The following SLC24A2 variants were observed in gnomAD, a reference collection of about 807,000 sequenced individuals.
SLC24A2 encodes sodium/potassium/calcium exchanger 2.
A neutral mutation model predicts 62.0 loss-of-function variants in SLC24A2; 36 were observed. The ratio of observed to expected loss-of-function variants is 0.58; its 90% CI spans 0.44 to 0.77. The LOEUF (loss-of-function observed/expected upper bound fraction) is 0.77. Among genes scored for constraint, SLC24A2 ranks in the 30% least tolerant of loss-of-function variants. The pLI is 0.00. For synonymous variants in SLC24A2, 358 were observed against 294.0 expected (o/e 1.22, Z -2.23); for missense variants, 846 against 817.9 (o/e 1.03, Z -0.42).
chr9:19,701,637 A>C (rs777589265), intron 2 of SLC24A2, among the ~76,000 whole-genome samples: 1 of 152,208 alleles, frequency 6.6e-6, no homozygotes, highest in Non-Finnish European at 1.5e-5. Context: ...ACAGTACACT[A>C]TTGCTTTGCA....
the SLC24A2 span, among the ~76,000 whole-genome samples, chr9:19,936,986 C>T: frequency 6.6e-6 from 1 of 152,110 alleles, no homozygotes; most frequent in African/African-American, 2.4e-5. Flanking sequence ...TATGTTCCCA[C>T]ACATATGTAT....
chr9:19,592,518 C>G (rs1007410901), intron 5 of SLC24A2, among the ~76,000 whole-genome samples: 2 of 151,988 alleles, frequency 1.3e-5, no homozygotes, highest in East Asian at 3.9e-4. Flanking sequence ...ACCTACCTAC[C>G]TACCTACCTA....
chr9:20,269,670 C>T, the SLC24A2 span, among the ~76,000 whole-genome samples: 1 of 152,196 alleles, frequency 6.6e-6, no homozygotes, highest in Admixed American at 6.5e-5. Flanking sequence ...GCTCCCCCGA[C>T]CCTCACCAAG....
At chr9:20,169,107 C>T in the SLC24A2 span, among the ~76,000 whole-genome samples, 2 of 151,852 alleles carry the variant, frequency 1.3e-5, no homozygotes, top group African/African-American at 2.4e-5. Context: ...CACAGAAGGA[C>T]CCACTGTAAG....
chr9:20,267,359 G>T, the SLC24A2 span, among the ~76,000 whole-genome samples: 3 of 152,222 alleles, frequency 2.0e-5, no homozygotes, highest in African/African-American at 7.2e-5. Flanking sequence ...TATGGCAATT[G>T]CTTACCCGGA....
At chr9:19,934,901 G>A in the SLC24A2 span, among the ~76,000 whole-genome samples, 1 of 152,022 alleles carries the variant, frequency 6.6e-6, no homozygotes, top group African/African-American at 2.4e-5. The surrounding 1 kb of genome is among the most constrained non-coding windows in gnomAD (Gnocchi z 4.1). Flanking sequence ...TTGGAGTTTT[G>A]GAGGCGGGAG....
At chr9:19,650,698 C>A (rs1021526247) in intron 2 of SLC24A2, among the ~76,000 whole-genome samples, 1 of 148,334 alleles carries the variant, frequency 6.7e-6, no homozygotes, top group Non-Finnish European at 1.5e-5. Flanking sequence ...AGGCCATCTG[C>A]AGAGAAAACA....
At chr9:19,727,420 T>C (rs1362773864) in intron 2 of SLC24A2, among the ~76,000 whole-genome samples, 3 of 152,160 alleles carry the variant, frequency 2.0e-5, no homozygotes, top group Non-Finnish European at 2.9e-5. Context: ...CCTAACTCAT[T>C]TTTCCCCATA....
the SLC24A2 span, among the ~76,000 whole-genome samples, chr9:19,823,644 C>CAAAA: frequency 6.6e-6 from 1 of 151,668 alleles, no homozygotes; most frequent in African/African-American, 2.4e-5. Flanking sequence ...CAAAACAAAA[C>CAAAA]AAAACAAAAC....
chr9:19,673,806 A>C (rs12554368), intron 2 of SLC24A2, among the ~76,000 whole-genome samples: 103,305 of 152,012 alleles, frequency 0.68, 36,501 homozygotes, highest in East Asian at 0.85. Context: ...TGGTTGGGGA[A>C]TTCTTATCCA....
the SLC24A2 span, among the ~76,000 whole-genome samples, chr9:19,966,464 T>C: frequency 1.3e-5 from 2 of 152,220 alleles, no homozygotes; most frequent in African/African-American, 2.4e-5. Context: ...TAATTTCTTG[T>C]AGCTAAGCTA....
the SLC24A2 span, among the ~76,000 whole-genome samples, chr9:20,051,657 C>CTTTTTTT: frequency 6.4e-3 from 470 of 73,438 alleles, 27 homozygotes; most frequent in African/African-American, 0.011. Context: ...TTTTCTTTCT[C>CTTTTTTT]TTTTTTTTTT....
At chr9:19,936,104 G>T in the SLC24A2 span, among the ~76,000 whole-genome samples, 1 of 151,838 alleles carries the variant, frequency 6.6e-6, no homozygotes, top group Admixed American at 6.6e-5. Context: ...CATAAACGAG[G>T]CTGCCACCAT....
chr9:20,097,223 A>G, the SLC24A2 span, among the ~76,000 whole-genome samples: 9 of 152,264 alleles, frequency 5.9e-5, no homozygotes, highest in Non-Finnish European at 1.0e-4. Context: ...CTCTGTAGAT[A>G]TAATAGGATG....
At chr9:19,831,228 T>G in the SLC24A2 span, among the ~76,000 whole-genome samples, 1 of 152,200 alleles carries the variant, frequency 6.6e-6, no homozygotes, top group Non-Finnish European at 1.5e-5. Context: ...TAGCACTGAC[T>G]GTAAGAAATT....
the SLC24A2 span, among the ~76,000 whole-genome samples, chr9:20,278,420 T>C: frequency 6.6e-6 from 1 of 152,136 alleles, no homozygotes; most frequent in Non-Finnish European, 1.5e-5. Flanking sequence ...TTGAATGCTT[T>C]GCTTCTTAGA....
chr9:20,258,833 C>A, the SLC24A2 span, among the ~76,000 whole-genome samples: 2 of 134,794 alleles, frequency 1.5e-5, no homozygotes, highest in South Asian at 2.4e-4. Flanking sequence ...ATCTATCTAT[C>A]TGTCTATCTA....
intron 2 of SLC24A2, among the ~76,000 whole-genome samples, chr9:19,722,800 T>A (rs546043416): frequency 6.6e-6 from 1 of 152,160 alleles, no homozygotes; most frequent in East Asian, 1.9e-4. Flanking sequence ...TTAGCACATA[T>A]GTATTGTTGA....
At chr9:19,562,299 T>C (rs1050551205) in intron 7 of SLC24A2, among the ~76,000 whole-genome samples, 2 of 152,188 alleles carry the variant, frequency 1.3e-5, no homozygotes, top group Non-Finnish European at 2.9e-5. Context: ...TTATTAGAAA[T>C]ACTAATGATA....
Sources: gnomAD v4.1 joint callset for allele counts (sites outside exome capture counted in the v4.1 genomes callset) on GRCh38, gnomAD v4.1.1 for gene constraint, Gnocchi (gnomAD v3.1) non-coding constraint, MANE v1.5 for transcripts, NCBI Gene and HGNC (gene_info 2026-07-23, HGNC 2026-07-21) for gene names.